Variants in FAM222B observed in about 807,000 individuals in gnomAD.
FAM222B encodes family with sequence similarity 222 member B.
A neutral mutation model predicts 38.0 loss-of-function variants in FAM222B; 12 were observed. That is an observed-to-expected ratio of 0.32 (90% CI 0.20 to 0.51). FAM222B has a LOEUF of 0.51. Among genes scored for constraint, FAM222B ranks in the 20% least tolerant of loss-of-function variants. The pLI is 0.97. For synonymous variants in FAM222B, 329 were observed against 317.2 expected (o/e 1.04, Z -0.40); for missense variants, 716 against 754.2 (o/e 0.95, Z 0.59).
At chr17:28,768,227 G>A (rs2035434114) in intron 1 of FAM222B, among the ~76,000 whole-genome samples, 1 of 152,146 alleles carries the variant, frequency 6.6e-6, no homozygotes, top group African/African-American at 2.4e-5. Flanking sequence ...AGGAGTGGGG[G>A]AAAAGCTCAA....
Position 28,805,497 on chromosome 17 carries a change from T to G in FAM222B, c.-41+37185A>C, listed in dbSNP as rs925630915. Among the ~76,000 whole-genome samples, 3 of 152,010 alleles carry G rather than the reference T, an allele frequency of 2.0e-5. No homozygotes were observed. In the East Asian group the frequency reaches 5.8e-4, roughly 29 times the overall value. On this transcript the variant is annotated intron_variant, in intron 1 of 2. Coordinates refer to ENST00000581407, the MANE Select transcript of FAM222B (RefSeq NM_001077498.3). ...TTACAGTGAGCCGAGATCATGCCAC[T>G]GAACTCCAGCCTGGGTGACAGAGCA...
chr17:28,819,537 T>C (rs1202760512), intron 1 of FAM222B, among the ~76,000 whole-genome samples: 2 of 152,014 alleles, frequency 1.3e-5, no homozygotes, highest in African/African-American at 4.8e-5. Flanking sequence ...ATGAAAAAAA[T>C]AATGATAAAG....
At chr17:28,848,995 C>T (rs978974418) in intron 1 of FAM222B, 5 of 151,458 alleles carry the variant, frequency 3.3e-5, no homozygotes, top group Non-Finnish European at 7.4e-5. Context: ...GGCGCGGTGG[C>T]TTACGCCTAT....
Position 28,758,487 on chromosome 17 carries a change from G to A in FAM222B, c.1472C>T (p.Pro491Leu). 6.2e-7 allele frequency: 1 copy of A among 1,613,086 alleles called. No individual in the cohort carries two copies. The highest frequency in any genetic ancestry group is 8.5e-7 in the Non-Finnish European group (1 of 1,179,770). ...GGTCCCTGCTCGGTAGTGGGCCCCG[G>A]GAGCTGCCGCACAGTCGAGGGGTGC... ...TGAPLDCAAA[P>L]GAHYRAGTGG... The change falls in exon 3 of 3, where the codon CCC (proline) becomes CTC (leucine). Residue 491 changes from proline to leucine, a missense_variant. Pro to Leu is a moderately conservative substitution (Grantham distance 98, BLOSUM62 -3). Transcript: ENST00000581407.
chr17:28,770,316 CAT>C (rs1487847436), intron 1 of FAM222B, among the ~76,000 whole-genome samples: 3 of 152,240 alleles, frequency 2.0e-5, no homozygotes, highest in Non-Finnish European at 1.5e-5. Flanking sequence ...ATTTAATCTA[CAT>C]ATGTCAATCT....
intron 1 of FAM222B, chr17:28,812,574 G>A (rs1455034312): frequency 6.5e-6 from 1 of 152,724 alleles, no homozygotes; most frequent in Non-Finnish European, 1.5e-5. Context: ...AGCCAACTGG[G>A]GAGGCCCACA....
intron 1 of FAM222B, among the ~76,000 whole-genome samples, chr17:28,811,500 T>C (rs2037765296): frequency 6.6e-6 from 1 of 152,148 alleles, no homozygotes. Flanking sequence ...AGGTTTGTTT[T>C]TTTAAGTTTG....
At position 28,758,661 on chromosome 17, in the gene FAM222B, G is replaced by A. The variant is rs201771310; in HGVS notation, c.1298C>T (p.Pro433Leu). Residue 433 changes from proline to leucine, a missense_variant, in exon 3 of 3, where the codon CCA (proline) becomes CTA (leucine). Coordinates refer to ENST00000581407, the MANE Select transcript of FAM222B (RefSeq NM_001077498.3). Reference protein sequence around the residue: ...KPPLEKPTPSPPVNGMAAPLA... With the variant: ...KPPLEKPTPSLPVNGMAAPLA... ...TGGGGCTGCCATGCCGTTGACTGGT[G>A]GGGATGGGGTCGGCTTTTCCAGGGG... 6.2e-7 allele frequency: 1 copy of A among 1,609,544 alleles called. No individual in the cohort carries two copies. Among genetic ancestry groups the A allele is most frequent in the Admixed American group, 1.7e-5 (1 of 59,798 alleles).
chr17:28,814,487 C>T lies in FAM222B; in HGVS notation c.-41+28195G>A, dbSNP rs181658270. On this transcript the variant is annotated intron_variant, in intron 1 of 2. Coordinates refer to ENST00000581407, the MANE Select transcript of FAM222B (RefSeq NM_001077498.3). The stretch of plus-strand genomic sequence containing the variant: ...TTTATTTATTTTTGAGACGGAGTTT[C>T]GCTCTGTTTCCCAAGCTGGAGTGCA... Among the ~76,000 whole-genome samples the T allele has an allele frequency of 3.9e-3, 590 of 152,158 alleles. 5 individuals carry two copies. Among genetic ancestry groups the T allele is most frequent in the African/African-American group, 0.014 (569 of 41,510 alleles).
intron 1 of FAM222B, chr17:28,812,476 C>T (rs2037827224): frequency 1.3e-5 from 2 of 152,490 alleles, no homozygotes; most frequent in Admixed American, 6.5e-5. Context: ...AGCCCCGCCC[C>T]CTCACCTCCA....
intron 1 of FAM222B, among the ~76,000 whole-genome samples, chr17:28,852,498 G>A (rs775954229): frequency 2.6e-5 from 4 of 151,878 alleles, no homozygotes; most frequent in African/African-American, 7.3e-5. Flanking sequence ...AAAATTAGCC[G>A]GATGTGGTGG....
rs371572357 is a variant in FAM222B, at chr17:28,759,242, G to C, written c.717C>G (p.Pro239=). The part of the protein sequence containing the change: ...GGRKMPDSDA[P]PNVTVSTSTI... ...TTGAGGTAGACACGGTCACATTCGG[G>C]GGGGCATCTGAGTCTGGCATCTTCC... Residue 239 remains proline (P), a synonymous_variant, in exon 3 of 3, where the codon CCC becomes CCG. Coordinates refer to ENST00000581407, the MANE Select transcript of FAM222B (RefSeq NM_001077498.3). This position sits in a 1 kb window ranked among gnomAD's most constrained non-coding sequence, Gnocchi z 4.8. 6.2e-6 allele frequency: 10 copies of C among 1,613,560 alleles called. No individual in the cohort carries two copies. Among genetic ancestry groups the C allele is most frequent in the East Asian group, 4.5e-5 (2 of 44,884 alleles).
At chr17:28,809,457 C>A (rs878938817) in intron 1 of FAM222B, among the ~76,000 whole-genome samples, 8 of 152,136 alleles carry the variant, frequency 5.3e-5, no homozygotes. Context: ...TCAACCAGCA[C>A]TATGCCCCCT....
At chr17:28,851,377 A>G (rs754730579) in intron 1 of FAM222B, among the ~76,000 whole-genome samples, 36 of 151,366 alleles carry the variant, frequency 2.4e-4, no homozygotes, top group Non-Finnish European at 4.1e-4. Flanking sequence ...TACTAAAAAT[A>G]CAAAAAATTA....
intron 1 of FAM222B, among the ~76,000 whole-genome samples, chr17:28,798,588 TAC>T (rs1323638725): frequency 1.3e-5 from 2 of 151,858 alleles, no homozygotes; most frequent in African/African-American, 4.8e-5. Context: ...CCATAACTAA[TAC>T]AGTTTTTGTT....
At chr17:28,837,413 G>A (rs540260498) in intron 1 of FAM222B, among the ~76,000 whole-genome samples, 278 of 149,532 alleles carry the variant, frequency 1.9e-3, no homozygotes, top group African/African-American at 6.8e-3. Context: ...CTGGGCGACC[G>A]AGGGAGACTC....
upstream of FAM222B, among the ~76,000 whole-genome samples, chr17:28,846,494 G>A (rs1035261740): frequency 2.0e-5 from 3 of 151,740 alleles, no homozygotes; most frequent in African/African-American, 4.8e-5. Context: ...GTGAAAACCC[G>A]TCTGTACAAA....
chr17:28,759,020 G>A lies in FAM222B; in HGVS notation c.939C>T (p.His313=), dbSNP rs2034894991. 1 of 1,612,978 alleles carries A rather than the reference G, an allele frequency of 6.2e-7. No homozygotes were observed. ...LINASTRVST[H]SVPTPMPSCV... ...ATGAAGGCATTGGTGTGGGGACGCT[G>A]TGGGTCGACACCCGGGTGCTTGCAT... The change falls in exon 3 of 3, where the codon CAC becomes CAT. Residue 313 remains histidine (H), a synonymous_variant. Coordinates refer to ENST00000581407, the MANE Select transcript of FAM222B (RefSeq NM_001077498.3). The surrounding 1 kb of genome is among the most constrained non-coding windows in gnomAD (Gnocchi z 4.8).
At chr17:28,841,912 A>G (rs565329201) in intron 1 of FAM222B, among the ~76,000 whole-genome samples, 51 of 152,192 alleles carry the variant, frequency 3.4e-4, no homozygotes, top group Non-Finnish European at 7.2e-4. Context: ...GAAAGCACAT[A>G]TGTGTCTACT....
Sources: gnomAD v4.1 joint callset for allele counts (sites outside exome capture counted in the v4.1 genomes callset) on GRCh38, gnomAD v4.1.1 for gene constraint, Gnocchi (gnomAD v3.1) non-coding constraint, MANE v1.5 for transcripts, NCBI Gene and HGNC (gene_info 2026-07-23, HGNC 2026-07-21) for gene names.